Variants in ERC2 observed in about 807,000 individuals in gnomAD.
ERC2 encodes ERC protein 2.
A neutral mutation model predicts 114.8 loss-of-function variants in ERC2; 42 were observed. The observed-to-expected ratio is 0.37, with a 90% CI of 0.29 to 0.47. The LOEUF is 0.47. Ranked by LOEUF, ERC2 falls within the 20% of genes least tolerant of loss-of-function variation. ERC2 has a pLI of 0.99. For missense variants in ERC2, 939 were observed against 1,150.7 expected (o/e 0.82, Z 2.66); for synonymous variants, 454 against 425.5 (o/e 1.07, Z -0.82).
At chr3:56,275,652 A>C (rs1003871469) in intron 3 of ERC2, among the ~76,000 whole-genome samples, 1 of 152,222 alleles carries the variant, frequency 6.6e-6, no homozygotes, top group Non-Finnish European at 1.5e-5. Context: ...TACAATGCAG[A>C]TTCTAATTCC....
At chr3:55,772,281 T>C (rs2068266840) in intron 14 of ERC2, among the ~76,000 whole-genome samples, 1 of 151,926 alleles carries the variant, frequency 6.6e-6, no homozygotes, top group African/African-American at 2.4e-5. Context: ...TAGCTGGGAC[T>C]GCAGGCATGC....
rs546756478 is a variant in ERC2, at chr3:56,376,260, C to T, written c.657+58091G>A. Among the ~76,000 whole-genome samples, 504 of 152,170 alleles carry T rather than the reference C, an allele frequency of 3.3e-3. 3 individuals carry two copies. The highest frequency in any genetic ancestry group is 0.012 in the African/African-American group (481 of 41,514). ...TAATACAGATTCCAATCCAGGTTGC[C>T]CAGAAAATATCTACCAAACTCTCTC... is the stretch of plus-strand genomic sequence containing the variant. On this transcript the variant is annotated intron_variant, in intron 2 of 17. Transcript: ENST00000288221.
chr3:56,151,775 C>G (rs1036778087), intron 4 of ERC2, among the ~76,000 whole-genome samples: 1 of 152,004 alleles, frequency 6.6e-6, no homozygotes, highest in Non-Finnish European at 1.5e-5. Context: ...ATGTGACATA[C>G]GGATGTTGAG....
chr3:55,952,523 C>T (rs1218087672), intron 12 of ERC2, among the ~76,000 whole-genome samples: 1 of 152,042 alleles, frequency 6.6e-6, no homozygotes, highest in Admixed American at 6.6e-5. Flanking sequence ...TTCCAAAGCC[C>T]ATGCTAACCT....
At chr3:56,208,547 A>G (rs2048873016) in intron 3 of ERC2, among the ~76,000 whole-genome samples, 1 of 152,192 alleles carries the variant, frequency 6.6e-6, no homozygotes, top group African/African-American at 2.4e-5. Context: ...CAAGGCCAAG[A>G]TATTATAAAT....
intron 14 of ERC2, among the ~76,000 whole-genome samples, chr3:55,788,570 T>A (rs2069707364): frequency 6.6e-6 from 1 of 152,116 alleles, no homozygotes; most frequent in Non-Finnish European, 1.5e-5. Flanking sequence ...ATTCGGATGA[T>A]ATAGAGGCAG....
At position 55,894,913 on chromosome 3, in the gene ERC2, T is replaced by G. The variant is rs117876293; in HGVS notation, c.2404-6364A>C. 5.4e-4 allele frequency among the ~76,000 whole-genome samples: 83 copies of G among 152,362 alleles called. 2 individuals carry two copies. In the East Asian group the frequency reaches 0.016, roughly 29 times the overall value. ...TTTCTAATACAGTGCCTAGTAATTA[T>G]TCAGCCTATCTATGTCTGCATATTG... On this transcript the variant is annotated intron_variant, in intron 13 of 17. Coordinates refer to ENST00000288221, the MANE Select transcript of ERC2 (RefSeq NM_015576.3).
At position 55,734,797 on chromosome 3, in the gene ERC2, G is replaced by A. The variant is rs780225228; in HGVS notation, c.2686C>T (p.Arg896Ter). 3 of 1,612,640 alleles carry A rather than the reference G, an allele frequency of 1.9e-6. No individual in the cohort carries two copies. Among genetic ancestry groups the A allele is most frequent in the Non-Finnish European group, 2.5e-6 (3 of 1,179,288 alleles). Residue 896 changes from arginine (R) to a stop codon, truncating the protein, a stop_gained, in exon 15 of 18, where the codon CGA (arginine) becomes TGA (stop). Transcript: ENST00000288221. LOFTEE classifies it high-confidence loss of function. The part of the protein sequence containing the change: ...EVMALKREKD[R>*]LVHQLKQQTQ... ...TGCTGCTTTAATTGATGTACTAGTC[G>A]GTCTTTTTCCCGCTTGAGGGCCATG...
chr3:55,553,391 C>T (rs1243589164), intron 17 of ERC2, among the ~76,000 whole-genome samples: 1 of 151,946 alleles, frequency 6.6e-6, no homozygotes, highest in African/African-American at 2.4e-5. Context: ...ATGCTGAACA[C>T]CCCACATTAA....
chr3:55,707,424 A>G (rs913597617), intron 15 of ERC2, among the ~76,000 whole-genome samples: 3 of 140,594 alleles, frequency 2.1e-5, no homozygotes, highest in African/African-American at 7.6e-5. Context: ...AGGCAACAGA[A>G]TGAGATCTTG....
At chr3:56,220,153 G>A (rs1212289877) in intron 3 of ERC2, among the ~76,000 whole-genome samples, 1 of 152,142 alleles carries the variant, frequency 6.6e-6, no homozygotes, top group African/African-American at 2.4e-5. Flanking sequence ...CTTACACTGT[G>A]ATTATAGGGC....
chr3:55,749,194 C>T (rs1034265545), intron 14 of ERC2, among the ~76,000 whole-genome samples: 1 of 152,148 alleles, frequency 6.6e-6, no homozygotes, highest in South Asian at 2.1e-4. Flanking sequence ...CCTGGAAAAC[C>T]ACTTAGTGAG....
In ERC2 at chr3:55,508,804, T is replaced by C. The variant is rs761414436; in HGVS notation, c.*2512A>G. ...AAATCATTAAATACAAAATTGAGACTGTACATCGAAATCAAATGGGGTATA... is the reference window on the plus strand; with the variant it reads ...AAATCATTAAATACAAAATTGAGACCGTACATCGAAATCAAATGGGGTATA... On this transcript the variant is annotated 3_prime_UTR_variant, in exon 18 of 18. Transcript: ENST00000288221. 1 of 152,458 alleles carries C rather than the reference T, an allele frequency of 6.6e-6. No homozygotes were observed. Among genetic ancestry groups the C allele is most frequent in the Non-Finnish European group, 1.5e-5 (1 of 68,004 alleles). The allele number at this position is 152,458 out of a possible 1,614,324, so 9.4% of individuals were successfully genotyped here.
chr3:55,646,403 C>T (rs570358211), intron 17 of ERC2, among the ~76,000 whole-genome samples: 1 of 152,316 alleles, frequency 6.6e-6, no homozygotes, highest in South Asian at 2.1e-4. Flanking sequence ...AAAACATTTA[C>T]AGAGCATCTT....
chr3:56,083,603 A>G (rs930430428), intron 6 of ERC2, among the ~76,000 whole-genome samples: 1 of 152,232 alleles, frequency 6.6e-6, no homozygotes, highest in African/African-American at 2.4e-5. Context: ...GAATTAACAA[A>G]TATCTTACAA....
intron 4 of ERC2, among the ~76,000 whole-genome samples, chr3:56,161,642 TTG>T (rs994917687): frequency 6.6e-6 from 1 of 151,870 alleles, no homozygotes. Context: ...CCTAGGTATT[TTG>T]TGTGTGTGTG....
At position 55,741,789 on chromosome 3, in the gene ERC2, A is replaced by T. The variant is rs569503079; in HGVS notation, c.2565-6871T>A. 4.6e-5 allele frequency among the ~76,000 whole-genome samples: 7 copies of T among 152,318 alleles called. No homozygotes were observed. The South Asian group carries it at 1.4e-3, about 32-fold the overall frequency. On this transcript the variant is annotated intron_variant, in intron 14 of 17. Transcript: ENST00000288221. Reference sequence around the variant, plus strand: ...CATATACTAGGAAGGAAGATAAGATAATGTGAAGAGAAATAAATCTATAAA... The same window carrying T: ...CATATACTAGGAAGGAAGATAAGATTATGTGAAGAGAAATAAATCTATAAA...
At chr3:56,256,963 C>A (rs6766633) in intron 3 of ERC2, among the ~76,000 whole-genome samples, 106,448 of 152,014 alleles carry the variant, frequency 0.7, 38,123 homozygotes, top group Non-Finnish European at 0.76. Flanking sequence ...TCTTTATATC[C>A]ATGTAAAAAT....
chr3:55,988,670 G>C (rs2070819200), intron 11 of ERC2, among the ~76,000 whole-genome samples: 1 of 152,184 alleles, frequency 6.6e-6, no homozygotes, highest in South Asian at 2.1e-4. Context: ...CCTTTTAAAA[G>C]AGGTCCTTTC....
Sources: allele counts gnomAD v4.1 joint callset (sites outside exome capture counted in the v4.1 genomes callset), GRCh38; gene constraint gnomAD v4.1.1; transcripts MANE v1.5; gene names NCBI Gene and HGNC (gene_info 2026-07-23, HGNC 2026-07-21).